PIWIL3: variants seen among roughly 807,000 people sequenced by gnomAD.
PIWIL3 encodes the protein piwi-like protein 3.
A neutral mutation model predicts 109.7 loss-of-function variants in PIWIL3; 101 were observed. That is an observed-to-expected ratio of 0.92 (90% CI 0.78 to 1.09). The LOEUF is 1.09. Ranked by LOEUF, PIWIL3 falls within the 50% of genes least tolerant of loss-of-function variation. PIWIL3 has a pLI of 0.00. For synonymous variants in PIWIL3, 373 were observed against 376.4 expected, an observed-to-expected ratio of 0.99 and a Z score of 0.10; for missense variants, 1,031 against 1,072.6, an observed-to-expected ratio of 0.96 and a Z score of 0.54.
chr22:24,726,476 G>T (rs1923003894), intron 16 of PIWIL3, among the ~76,000 whole-genome samples: 1 of 152,010 alleles, frequency 6.6e-6, no homozygotes, highest in Non-Finnish European at 1.5e-5. Context: ...TAGTAGAGAC[G>T]GGGTTTCACC....
At chr22:24,725,297 G>C in intron 17 of PIWIL3, 148 bp downstream of exon 17, 1 of 992,702 alleles carries the variant, frequency 1.0e-6, no homozygotes, top group Non-Finnish European at 1.5e-6. Flanking sequence ...CTACCCACTA[G>C]ACTCAATGCC....
At chr22:24,754,485 T>C (rs545080002) in intron 7 of PIWIL3, among the ~76,000 whole-genome samples, 2 of 152,358 alleles carry the variant, frequency 1.3e-5, no homozygotes, top group African/African-American at 4.8e-5. Flanking sequence ...GTGAGTAATA[T>C]ATATAGTTGC....
Position 24,723,201 on chromosome 22 carries a change from A to G in PIWIL3, c.2286T>C (p.Leu762=). The G allele has an allele frequency of 6.2e-7, 1 of 1,611,078 alleles. No individual in the cohort carries two copies. Among genetic ancestry groups the G allele is most frequent in the Non-Finnish European group, 8.5e-7 (1 of 1,177,420 alleles). Residue 762 remains leucine (L), a synonymous_variant, in exon 19 of 21, where the codon CTT becomes CTC. Coordinates refer to ENST00000616349, the MANE Select transcript of PIWIL3 (RefSeq NM_001255975.1). ...VKKRINTRFF[L]KHGSNFQNPP... ...GATTTTGAAAATTGCTTCCATGTTT[A>G]AGAAAAAATCTAGTGTTTATTCGTT...
chr22:24,722,083 T>C (rs1922704831), intron 19 of PIWIL3, among the ~76,000 whole-genome samples: 1 of 152,176 alleles, frequency 6.6e-6, no homozygotes, highest in African/African-American at 2.4e-5. Flanking sequence ...ACTGCTGTTT[T>C]ATTTTTGTTT....
intron 9 of PIWIL3, among the ~76,000 whole-genome samples, chr22:24,750,102 G>C (rs1250627825): frequency 1.3e-5 from 2 of 152,202 alleles, no homozygotes; most frequent in African/African-American, 2.4e-5. Flanking sequence ...ATGAGAATGG[G>C]TGAGACAGTA....
At chr22:24,760,780 C>CAAAAAAAAAAAA (rs61469163) in intron 2 of PIWIL3, among the ~76,000 whole-genome samples, 17 of 41,024 alleles carry the variant, frequency 4.1e-4, no homozygotes, top group South Asian at 1.1e-3. Context: ...AACTCTGTCT[C>CAAAAAAAAAAAA]AAAAAAAAAA....
intron 12 of PIWIL3, among the ~76,000 whole-genome samples, chr22:24,738,372 G>A (rs1923790328): frequency 6.6e-6 from 1 of 152,230 alleles, no homozygotes; most frequent in African/African-American, 2.4e-5. Flanking sequence ...TTTACCACTT[G>A]ATTGCAGAGC....
At chr22:24,742,180 C>T (rs1924048659) in intron 12 of PIWIL3, among the ~76,000 whole-genome samples, 1 of 137,846 alleles carries the variant, frequency 7.3e-6, no homozygotes, top group Admixed American at 7.1e-5. Flanking sequence ...AGGAATATAC[C>T]TAACCTAACC....
In PIWIL3 at chr22:24,754,092, C is replaced by A; in HGVS notation, c.899G>T (p.Arg300Ile). 1 of 1,613,252 alleles carries A rather than the reference C, an allele frequency of 6.2e-7. No homozygotes were observed. Among genetic ancestry groups the A allele is most frequent in the Non-Finnish European group, 8.5e-7 (1 of 1,179,220 alleles). Residue 300 changes from arginine (R) to isoleucine (I), a missense_variant, in exon 8 of 21, where the codon AGA (arginine) becomes ATA (isoleucine). Transcript: ENST00000616349. Reference sequence around the variant, plus strand: ...TCCTGTCTGGGCCTGGGCAGATGTTCTCTTTATGAAATCATAAGCAGTTTC... The same window carrying A: ...TCCTGTCTGGGCCTGGGCAGATGTTATCTTTATGAAATCATAAGCAGTTTC... ...RIETAYDFIK[R>I]TSAQAQTGNI...
intron 18 of PIWIL3, among the ~76,000 whole-genome samples, chr22:24,724,448 T>G (rs1922867632): frequency 6.6e-6 from 1 of 151,758 alleles, no homozygotes; most frequent in South Asian, 2.1e-4. Context: ...TTTTTTTTTT[T>G]TTTGAGACGG....
At chr22:24,739,353 G>A (rs1184806369) in intron 12 of PIWIL3, among the ~76,000 whole-genome samples, 1 of 152,068 alleles carries the variant, frequency 6.6e-6, no homozygotes, top group African/African-American at 2.4e-5. Context: ...GTATAAAGTG[G>A]TTACAGTAGA....
rs2147699115 is a variant in PIWIL3 at position 24,751,466 on chromosome 22, A to G, written c.1010T>C (p.Ile337Thr). The G allele has an allele frequency of 1.2e-6, 2 of 1,613,902 alleles. No individual in the cohort carries two copies. The highest frequency in any genetic ancestry group is 1.7e-6 in the Non-Finnish European group (2 of 1,179,966). Residue 337 changes from isoleucine to threonine, a missense_variant, in exon 9 of 21, where the codon ATT (isoleucine) becomes ACT (threonine). Transcript: ENST00000616349. ...YNNKTYRVDD[I>T]DWKQNPEDTF... ...GTCTTCAGGATTCTGCTTCCAATCA[A>G]TATCATCTACTCTGTAGGTTTTGTT... is the stretch of plus-strand genomic sequence containing the variant.
intron 9 of PIWIL3, 73 bp downstream of exon 9, chr22:24,751,310 CAAGT>C: frequency 7.3e-7 from 1 of 1,377,382 alleles, no homozygotes; most frequent in Non-Finnish European, 9.9e-7. Flanking sequence ...CAAATATGTT[CAAGT>C]AGCTAAATAA....
At chr22:24,770,190 C>T (rs557759059) in intron 1 of PIWIL3, among the ~76,000 whole-genome samples, 24 of 152,272 alleles carry the variant, frequency 1.6e-4, no homozygotes, top group African/African-American at 4.8e-4. Context: ...AACCCGCTTA[C>T]CCAAGGTCAC....
chr22:24,761,705 C>T (rs1023025330), intron 2 of PIWIL3, among the ~76,000 whole-genome samples: 16 of 151,066 alleles, frequency 1.1e-4, no homozygotes, highest in African/African-American at 3.9e-4. Context: ...TTCAGATGCT[C>T]ATGAGTGAGG....
At chr22:24,747,092 T>C (rs1188026004) in intron 12 of PIWIL3, among the ~76,000 whole-genome samples, 3 of 152,236 alleles carry the variant, frequency 2.0e-5, no homozygotes, top group African/African-American at 7.2e-5. Context: ...TACAGAGCTA[T>C]AGTAACCAAA....
Position 24,760,780 on chromosome 22 carries a change from C to CAAAAAAAAAAAAAAAA in PIWIL3, c.103-807_103-792dup, listed in dbSNP as rs61469163. On this transcript the variant is annotated intron_variant, in intron 2 of 20. Coordinates refer to ENST00000616349, the MANE Select transcript of PIWIL3 (RefSeq NM_001255975.1). ...GGGCAACAAGAGCGAAACTCTGTCT[C>CAAAAAAAAAAAAAAAA]AAAAAAAAAAAAAAAAAAAAAAAGC... Among the ~76,000 whole-genome samples the CAAAAAAAAAAAAAAAA allele has an allele frequency of 8.8e-4, 36 of 41,024 alleles. 2 individuals carry two copies. The highest frequency in any genetic ancestry group is 1.5e-3 in the African/African-American group (16 of 10,652). The allele number at this position is 41,024 out of a possible 152,430, so 26.9% of individuals were successfully genotyped here. A position where few individuals can be genotyped will look rare whatever the true frequency, so the allele number is the denominator to read the frequency against.
At chr22:24,719,942 T>C in intron 19 of PIWIL3, 47 bp from the exon 20 acceptor site, 1 of 1,475,368 alleles carries the variant, frequency 6.8e-7, no homozygotes, top group Non-Finnish European at 9.3e-7. Context: ...AGAAAGAGGG[T>C]ATATAGTAAA....
intron 1 of PIWIL3, among the ~76,000 whole-genome samples, chr22:24,765,813 T>C (rs2147727506): frequency 6.6e-6 from 1 of 151,938 alleles, no homozygotes; most frequent in East Asian, 1.9e-4. Flanking sequence ...TAATCAAGAT[T>C]TTAGGGCTTT....
Sources: gnomAD v4.1 joint callset for allele counts (sites outside exome capture counted in the v4.1 genomes callset) on GRCh38, gnomAD v4.1.1 for gene constraint, MANE v1.5 for transcripts, NCBI Gene and HGNC (gene_info 2026-07-23, HGNC 2026-07-21) for gene names.